The following ANKRD33B variants were observed in gnomAD, a reference collection of about 807,000 sequenced individuals.
ANKRD33B encodes the protein ankyrin repeat domain-containing protein 33B.
A neutral mutation model predicts 21.5 loss-of-function variants in ANKRD33B; 6 were observed. The observed-to-expected ratio is 0.28, with a 90% CI of 0.15 to 0.55. The LOEUF is 0.55. Ranked by LOEUF, ANKRD33B falls within the 20% of genes least tolerant of loss-of-function variation. The probability of loss-of-function intolerance (pLI) is 0.94; values close to 1 mark genes in which losing one functional copy is unlikely to be tolerated. For synonymous variants in ANKRD33B, 347 were observed against 342.4 expected, an observed-to-expected ratio of 1.01 and a Z score of -0.15; for missense variants, 698 against 747.2, an observed-to-expected ratio of 0.93 and a Z score of 0.77.
intron 1 of ANKRD33B, among the ~76,000 whole-genome samples, chr5:10,608,532 A>T (rs1251616668): frequency 1.3e-5 from 2 of 152,122 alleles, no homozygotes; most frequent in Admixed American, 6.6e-5. Flanking sequence ...GGGAGGTGGG[A>T]TGAGCTTGAG....
At position 10,599,075 on chromosome 5, in the gene ANKRD33B, T is replaced by C. The variant is rs115872956; in HGVS notation, c.367-19258T>C. 6.6e-3 allele frequency among the ~76,000 whole-genome samples: 1,007 copies of C among 152,316 alleles called. 8 individuals carry two copies. Among genetic ancestry groups the C allele is most frequent in the African/African-American group, 0.023 (950 of 41,560 alleles). ...TGCTCCTTTCTACTCAGTCCCTGTC[T>C]CATCAGAGGCAAAGACCTGTTGTTC... On this transcript the variant is annotated intron_variant, in intron 1 of 3. Coordinates refer to ENST00000296657, the MANE Select transcript of ANKRD33B (RefSeq NM_001164440.2).
At chr5:10,648,327 G>T (rs1237217574) in intron 3 of ANKRD33B, among the ~76,000 whole-genome samples, 1 of 152,212 alleles carries the variant, frequency 6.6e-6, no homozygotes, top group East Asian at 1.9e-4. Context: ...CACAGCTGGG[G>T]TGCCACCACT....
intron 1 of ANKRD33B, among the ~76,000 whole-genome samples, chr5:10,616,071 G>A (rs1406395288): frequency 6.6e-6 from 1 of 152,204 alleles, no homozygotes; most frequent in Non-Finnish European, 1.5e-5. Flanking sequence ...ATATTAAAGA[G>A]GCTTTACCAT....
chr5:10,589,214 G>T (rs1229644991), intron 1 of ANKRD33B, among the ~76,000 whole-genome samples: 1 of 152,028 alleles, frequency 6.6e-6, no homozygotes, highest in Non-Finnish European at 1.5e-5. Flanking sequence ...CAACCCACAG[G>T]CCCCTCCGTT....
chr5:10,626,077 C>T (rs1016353780), intron 2 of ANKRD33B, among the ~76,000 whole-genome samples: 4 of 152,220 alleles, frequency 2.6e-5, no homozygotes, highest in Non-Finnish European at 4.4e-5. Flanking sequence ...AGCTGGAACC[C>T]GAGAGGCAGC....
intron 2 of ANKRD33B, among the ~76,000 whole-genome samples, chr5:10,622,714 T>C (rs980846982): frequency 3.3e-5 from 5 of 152,114 alleles, no homozygotes; most frequent in Admixed American, 2.6e-4. Flanking sequence ...ATGAAGATGC[T>C]GCCCTGAAAC....
chr5:10,649,048 G>A (rs1737254039), intron 3 of ANKRD33B, among the ~76,000 whole-genome samples: 1 of 152,214 alleles, frequency 6.6e-6, no homozygotes, highest in South Asian at 2.1e-4. Flanking sequence ...CGGAAGTCGA[G>A]GCTACAGTAG....
chr5:10,650,214 C>T lies in ANKRD33B; in HGVS notation c.*101C>T. The stretch of plus-strand genomic sequence containing the variant: ...GGCCCCGTTGCGCATCGCACCACTT[C>T]CGCTCCATGGACCACGGGGCTGCGC... On this transcript the variant is annotated 3_prime_UTR_variant, in exon 4 of 4. Transcript: ENST00000296657. 2 of 1,251,572 alleles carry T rather than the reference C, an allele frequency of 1.6e-6. No homozygotes were observed. The highest frequency in any genetic ancestry group is 1.7e-5 in the South Asian group (1 of 58,706). The allele number at this position is 1,251,572 out of a possible 1,614,324, so 77.5% of individuals were successfully genotyped here.
At chr5:10,616,681 A>T (rs1736291127) in intron 1 of ANKRD33B, among the ~76,000 whole-genome samples, 1 of 151,818 alleles carries the variant, frequency 6.6e-6, no homozygotes, top group African/African-American at 2.4e-5. Flanking sequence ...CAAGAGTGAC[A>T]CTTGATTGCC....
In ANKRD33B at chr5:10,649,558, G is replaced by A; in HGVS notation, c.930G>A (p.Arg310=). The A allele has an allele frequency of 6.5e-7, 1 of 1,526,944 alleles. No homozygotes were observed. The highest frequency in any genetic ancestry group is 2.5e-5 in the East Asian group (1 of 40,732). The allele number at this position is 1,526,944 out of a possible 1,614,324, so 94.6% of individuals were successfully genotyped here. ...GGGGCGTCCTGGACCACATGGTCCG[G>A]ATGACCACGAGCCTCTACAGCCCCG... ...EDGGVLDHMV[R]MTTSLYSPAV... Residue 310 remains arginine, a synonymous_variant, in exon 4 of 4, where the codon CGG becomes CGA. Transcript: ENST00000296657.
At chr5:10,648,486 G>A (rs756261412) in intron 3 of ANKRD33B, among the ~76,000 whole-genome samples, 2 of 152,356 alleles carry the variant, frequency 1.3e-5, no homozygotes, top group South Asian at 4.1e-4. Flanking sequence ...TTGGCCAGGC[G>A]CAGTGGCTCA....
chr5:10,582,712 C>T (rs1319196613), intron 1 of ANKRD33B, among the ~76,000 whole-genome samples: 1 of 152,210 alleles, frequency 6.6e-6, no homozygotes, highest in Non-Finnish European at 1.5e-5. Flanking sequence ...CCATGGACCA[C>T]ACACCTGTCC....
In ANKRD33B at chr5:10,641,208, G is replaced by GTCTTCT. The variant is rs554853704; in HGVS notation, c.637+3054_637+3059dup. The stretch of plus-strand genomic sequence containing the variant: ...GTTGTCTTCTTCTTAGTTGTCCCCA[G>GTCTTCT]TCTTCTTCTTCTTCTTCTTTTTTTT... On this transcript the variant is annotated intron_variant, in intron 3 of 3. Coordinates refer to ENST00000296657, the MANE Select transcript of ANKRD33B (RefSeq NM_001164440.2). 1.4e-3 allele frequency among the ~76,000 whole-genome samples: 166 copies of GTCTTCT among 122,076 alleles called. 1 individual carries two copies. The highest frequency in any genetic ancestry group is 6.0e-3 in the Middle Eastern group (1 of 166). 80.1% of individuals were successfully genotyped at this position (122,076 alleles called of 152,430 possible).
chr5:10,566,358 A>G (rs1735056949), intron 1 of ANKRD33B, among the ~76,000 whole-genome samples: 1 of 152,176 alleles, frequency 6.6e-6, no homozygotes, highest in Non-Finnish European at 1.5e-5. Flanking sequence ...CTGTTTCTCA[A>G]GTTCTACATT....
chr5:10,648,560 G>C (rs1383027013), intron 3 of ANKRD33B, among the ~76,000 whole-genome samples: 2 of 151,172 alleles, frequency 1.3e-5, no homozygotes, highest in Admixed American at 6.6e-5. Context: ...GGGAGTTCGA[G>C]ACTAGCCTGA....
At chr5:10,604,935 T>C (rs1483759932) in intron 1 of ANKRD33B, among the ~76,000 whole-genome samples, 2 of 152,208 alleles carry the variant, frequency 1.3e-5, no homozygotes, top group Non-Finnish European at 2.9e-5. Context: ...TGTCTATGGC[T>C]CGGGAATGTG....
intron 1 of ANKRD33B, among the ~76,000 whole-genome samples, chr5:10,613,561 A>G (rs1032920676): frequency 6.6e-6 from 1 of 152,132 alleles, no homozygotes; most frequent in Non-Finnish European, 1.5e-5. Context: ...GTTAATTAAA[A>G]TGATATAATT....
chr5:10,575,978 T>TACACACACAC (rs60058725), intron 1 of ANKRD33B, among the ~76,000 whole-genome samples: 17 of 150,068 alleles, frequency 1.1e-4, no homozygotes, highest in African/African-American at 3.9e-4. Context: ...GATGGACGTA[T>TACACACACAC]ACACACACAC....
Position 10,573,077 on chromosome 5 carries a change from G to A in ANKRD33B, c.366+8244G>A, listed in dbSNP as rs543362388. Among the ~76,000 whole-genome samples, 4 of 152,212 alleles carry A rather than the reference G, an allele frequency of 2.6e-5. No individual in the cohort carries two copies. The South Asian group carries it at 6.2e-4, about 24-fold the overall frequency. On this transcript the variant is annotated intron_variant, in intron 1 of 3. Coordinates refer to ENST00000296657, the MANE Select transcript of ANKRD33B (RefSeq NM_001164440.2). ...TTGCCACTGAGCCAGCTGTGACATG[G>A]GATTTCACTTCTACCTCAATTTCTG...
Sources: allele counts gnomAD v4.1 joint callset (sites outside exome capture counted in the v4.1 genomes callset), GRCh38; gene constraint gnomAD v4.1.1; transcripts MANE v1.5; gene names NCBI Gene and HGNC (gene_info 2026-07-23, HGNC 2026-07-21).